Variants in ADCK2 observed in about 807,000 individuals in gnomAD.
ADCK2 encodes the protein uncharacterized aarF domain-containing protein kinase 2.
Under a neutral mutation model 52.3 loss-of-function variants are expected in ADCK2, and 37 were observed. The observed-to-expected ratio is 0.71, with a 90% confidence interval of 0.54 to 0.93. The LOEUF is 0.93. Ranked by LOEUF, ADCK2 falls within the 40% of genes least tolerant of loss-of-function variation. ADCK2 has a pLI of 0.00. For synonymous variants in ADCK2, 321 were observed against 349.2 expected, an observed-to-expected ratio of 0.92 and a Z score of 0.90; for missense variants, 695 against 798.7, an observed-to-expected ratio of 0.87 and a Z score of 1.56.
rs184011717 is a variant in ADCK2, at chr7:140,694,118, C to G, written c.1741-545C>G. On this transcript the variant is annotated intron_variant, in intron 7 of 7. Transcript: ENST00000072869. ...GGAGGATTGCTTGGGGCCAGGAGTTCGAGATCAGCCTCGTCAACATTGCAA... is the reference window on the plus strand; with the variant it reads ...GGAGGATTGCTTGGGGCCAGGAGTTGGAGATCAGCCTCGTCAACATTGCAA... Among the ~76,000 whole-genome samples, 33 of 152,146 alleles carry G rather than the reference C, an allele frequency of 2.2e-4. No individual in the cohort carries two copies. The East Asian group carries it at 5.6e-3, about 26-fold the overall frequency.
chr7:140,688,204 C>T (rs2968552), intron 5 of ADCK2, among the ~76,000 whole-genome samples: 2,497 of 152,178 alleles, frequency 0.016, 24 homozygotes, highest in South Asian at 0.028. Context: ...CCACCATGCC[C>T]GGCCACTTTT....
chr7:140,686,921 C>CT lies in ADCK2; in HGVS notation c.1306-66dup, dbSNP rs1585851431. 10 of 1,574,932 alleles carry CT rather than the reference C, an allele frequency of 6.3e-6. No homozygotes were observed. The East Asian group carries it at 2.0e-4, about 32-fold the overall frequency. On this transcript the variant is annotated intron_variant, in intron 4 of 7. Transcript: ENST00000072869. Reference sequence around the variant, plus strand: ...CTGGGAGCTTATTGTCACCTGGCAACTTTCTTTCTCTGTAGGTTGGTGGTG... The same window carrying CT: ...CTGGGAGCTTATTGTCACCTGGCAACTTTTCTTTCTCTGTAGGTTGGTGGTG...
rs374338612 is a variant in ADCK2 at position 140,689,623 on chromosome 7, G to A, written c.1584G>A (p.Leu528=). ...GCCAGAGAGTGGCTGAGCTGATCCT[G>A]CATCATGCCCGGGCCAGCGAGTGCA... The part of the protein sequence containing the change: ...GQGQRVAELI[L]HHARASECRD... Residue 528 remains leucine (L), a synonymous_variant, in exon 6 of 8, where the codon CTG becomes CTA. Coordinates refer to ENST00000072869, the MANE Select transcript of ADCK2 (RefSeq NM_052853.4). 3 of 1,610,926 alleles carry A rather than the reference G, an allele frequency of 1.9e-6. No individual in the cohort carries two copies. In the African/African-American group the frequency reaches 4.0e-5, roughly 22 times the overall value.
In ADCK2 at chr7:140,674,724, TGTGG is replaced by T. The variant is rs755938212; in HGVS notation, c.1048_1051del (p.Val350ArgfsTer6). On this transcript the variant is annotated frameshift_variant, in exon 2 of 8. Transcript: ENST00000072869. LOFTEE classifies it high-confidence loss of function. The surrounding 1 kb of genome is among the most constrained non-coding windows in gnomAD (Gnocchi z 4.6). The stretch of plus-strand genomic sequence containing the variant: ...TCAAGTGGCTTAGCTTGCCTGAGAT[TGTGG>T]AGGAATTTGAGAAGCTGATGGTCCA... 2.2e-5 allele frequency: 35 copies of T among 1,614,112 alleles called. No homozygotes were observed. The highest frequency in any genetic ancestry group is 3.0e-5 in the Non-Finnish European group (35 of 1,180,002).
chr7:140,680,994 T>A (rs1308558708), intron 3 of ADCK2, 48 bp from the exon 4 acceptor site: 1 of 1,574,566 alleles, frequency 6.4e-7, no homozygotes, highest in Admixed American at 1.7e-5. Flanking sequence ...GGAGCCAGCA[T>A]CACAGGCTGG....
chr7:140,690,718 A>G (rs1360605165), intron 6 of ADCK2, 42 bp from the exon 7 acceptor site: 2 of 1,600,644 alleles, frequency 1.2e-6, no homozygotes, highest in African/African-American at 2.7e-5. Context: ...GCGGTTCTGG[A>G]AGGCTCGGTG....
In ADCK2 at chr7:140,693,015, A is replaced by G. The variant is rs1479216765; in HGVS notation, c.1741-1648A>G. ...ATTTTCTGTTTTGTTTTTAGTGGCC[A>G]TCCTAATGGGTGTGAGGTGATGTCT... On this transcript the variant is annotated intron_variant, in intron 7 of 7. Coordinates refer to ENST00000072869, the MANE Select transcript of ADCK2 (RefSeq NM_052853.4). This position sits in a 1 kb window ranked among gnomAD's most constrained non-coding sequence, Gnocchi z 4.0. Among the ~76,000 whole-genome samples, 1 of 152,192 alleles carries G rather than the reference A, an allele frequency of 6.6e-6. No homozygotes were observed. The highest frequency in any genetic ancestry group is 1.5e-5 in the Non-Finnish European group (1 of 68,046).
chr7:140,689,566 C>G, intron 5 of ADCK2, 31 bp from the exon 6 acceptor site: 1 of 1,572,896 alleles, frequency 6.4e-7, no homozygotes, highest in South Asian at 1.2e-5. Context: ...GCTAGCTCCA[C>G]TCCAAGTCCC....
At chr7:140,680,304 C>T (rs1371027004) in intron 3 of ADCK2, among the ~76,000 whole-genome samples, 2 of 151,854 alleles carry the variant, frequency 1.3e-5, no homozygotes, top group East Asian at 1.9e-4. Context: ...AGCCACCATC[C>T]CCATGTCCGA....
At chr7:140,686,303 T>TG (rs533187667) in intron 4 of ADCK2, among the ~76,000 whole-genome samples, 1 of 152,208 alleles carries the variant, frequency 6.6e-6, no homozygotes, top group Non-Finnish European at 1.5e-5. Flanking sequence ...TTCTTTGAGA[T>TG]GGAGTCTCGC....
chr7:140,679,659 TC>T (rs1794481637), intron 3 of ADCK2, among the ~76,000 whole-genome samples: 1 of 139,566 alleles, frequency 7.2e-6, no homozygotes, highest in Non-Finnish European at 1.5e-5. Flanking sequence ...CAGCCTTCTC[TC>T]TCTTTTTTTT....
intron 4 of ADCK2, among the ~76,000 whole-genome samples, chr7:140,686,384 C>T (rs918183779): frequency 6.6e-6 from 1 of 152,092 alleles, no homozygotes; most frequent in South Asian, 2.1e-4. Context: ...AGGTTCAAGC[C>T]ATTCTCCTGC....
Position 140,674,849 on chromosome 7 carries a change from GTATGTC to G in ADCK2, c.1080+93_1080+98del. The G allele has an allele frequency of 6.9e-7, 1 of 1,440,416 alleles. No homozygotes were observed. The highest frequency in any genetic ancestry group is 1.4e-5 in the South Asian group (1 of 73,338). 89.2% of individuals were successfully genotyped at this position (1,440,416 alleles called of 1,614,324 possible). A position where few individuals can be genotyped will look rare whatever the true frequency, so the allele number is the denominator to read the frequency against. On this transcript the variant is annotated intron_variant, in intron 2 of 7. Transcript: ENST00000072869. This position sits in a 1 kb window ranked among gnomAD's most constrained non-coding sequence, Gnocchi z 4.6. ...TAAATGTTGAATGAATAATTTTCTGGTATGTCATAACTCATGTGATGTGTTAGAGCT... is the reference window on the plus strand; with the variant it reads ...TAAATGTTGAATGAATAATTTTCTGGATAACTCATGTGATGTGTTAGAGCT...
intron 4 of ADCK2, 49 bp downstream of exon 4, chr7:140,681,186 C>A (rs1794509620): frequency 6.4e-7 from 1 of 1,571,820 alleles, no homozygotes; most frequent in Non-Finnish European, 8.8e-7. Flanking sequence ...GGTCAGCTTG[C>A]AGATGGGGAG....
chr7:140,694,913 C>T lies in ADCK2; in HGVS notation c.*110C>T, dbSNP rs745840552. The T allele has an allele frequency of 1.4e-5, 21 of 1,463,290 alleles. No individual in the cohort carries two copies. Among genetic ancestry groups the T allele is most frequent in the Non-Finnish European group, 1.8e-5 (20 of 1,112,740 alleles). The allele number at this position is 1,463,290 out of a possible 1,614,324, so 90.6% of individuals were successfully genotyped here. ...ATTGGGACACCAATTTCAAATGTAACCCTCCAGTGGTGGAAGGCACACCAT... is the reference window on the plus strand; with the variant it reads ...ATTGGGACACCAATTTCAAATGTAATCCTCCAGTGGTGGAAGGCACACCAT... On this transcript the variant is annotated 3_prime_UTR_variant, in exon 8 of 8. Transcript: ENST00000072869.
At chr7:140,684,766 C>G (rs1328787119) in intron 4 of ADCK2, among the ~76,000 whole-genome samples, 1 of 152,154 alleles carries the variant, frequency 6.6e-6, no homozygotes, top group Non-Finnish European at 1.5e-5. Context: ...CACTCCAACC[C>G]TAATTCCACT....
intron 7 of ADCK2, among the ~76,000 whole-genome samples, chr7:140,692,211 C>G (rs1794720845): frequency 6.6e-6 from 1 of 152,336 alleles, no homozygotes; most frequent in Admixed American, 6.5e-5. Flanking sequence ...CCATCCGGCC[C>G]TGGGAACCAC....
Position 140,674,047 on chromosome 7 carries a change from G to A in ADCK2, c.717G>A (p.Pro239=). The A allele has an allele frequency of 6.2e-7, 1 of 1,614,078 alleles. No homozygotes were observed. Among genetic ancestry groups the A allele is most frequent in the East Asian group, 2.2e-5 (1 of 44,888 alleles). ...VQRLGRASCL[P]PFSHTGAVGG... is the part of the protein sequence containing the mutation. Reference sequence around the variant, plus strand: ...GACTTGGCAGGGCCTCCTGTCTGCCGCCCTTCTCACATACTGGGGCAGTCG... The same window carrying A: ...GACTTGGCAGGGCCTCCTGTCTGCCACCCTTCTCACATACTGGGGCAGTCG... The change falls in exon 1 of 8, where the codon CCG becomes CCA. Residue 239 remains proline (P), a synonymous_variant. Coordinates refer to ENST00000072869, the MANE Select transcript of ADCK2 (RefSeq NM_052853.4). The surrounding 1 kb of genome is among the most constrained non-coding windows in gnomAD (Gnocchi z 4.6).
In ADCK2 at chr7:140,689,727, T is replaced by C; in HGVS notation, c.1686+2T>C. 2 of 1,609,570 alleles carry C rather than the reference T, an allele frequency of 1.2e-6. No homozygotes were observed. Among genetic ancestry groups the C allele is most frequent in the Non-Finnish European group, 1.7e-6 (2 of 1,177,446 alleles). The stretch of plus-strand genomic sequence containing the variant: ...AAGAACACCATCACCCTGGAGAAGG[T>C]GGGCAGGTCACTTGCGGAACAGGGG... On this transcript the variant is annotated splice_donor_variant, in intron 6 of 7. Coordinates refer to ENST00000072869, the MANE Select transcript of ADCK2 (RefSeq NM_052853.4). LOFTEE classifies it high-confidence loss of function.
Sources: allele counts gnomAD v4.1 joint callset (sites outside exome capture counted in the v4.1 genomes callset), GRCh38; gene constraint gnomAD v4.1.1; non-coding constraint Gnocchi (gnomAD v3.1); transcripts MANE v1.5; gene names NCBI Gene and HGNC (gene_info 2026-07-23, HGNC 2026-07-21).